The following GPC6 variants were observed in gnomAD, a reference collection of about 807,000 sequenced individuals.
GPC6 encodes the protein glypican-6.
Under a neutral mutation model 55.2 loss-of-function variants are expected in GPC6, and 14 were observed. The ratio of observed to expected loss-of-function variants is 0.25; its 90% confidence interval spans 0.17 to 0.40. The LOEUF (loss-of-function observed/expected upper bound fraction) is 0.40, where lower values mean the gene tolerates loss of function less well. GPC6 is among the 10% of genes least tolerant of loss of function. GPC6 has a pLI of 1.00. For synonymous variants in GPC6, 278 were observed against 259.6 expected (o/e 1.07, Z -0.68); for missense variants, 641 against 708.5 (o/e 0.90, Z 1.08).
At chr13:93,913,694 T>G (rs9524279) in intron 3 of GPC6, among the ~76,000 whole-genome samples, 19,644 of 152,210 alleles carry the variant, frequency 0.13, 1,654 homozygotes, top group Admixed American at 0.21. Flanking sequence ...CTTTCATCGT[T>G]TTTTTGGAAT....
At chr13:93,517,745 C>T in intron 1 of GPC6, among the ~76,000 whole-genome samples, 1 of 151,920 alleles carries the variant, frequency 6.6e-6, no homozygotes, top group Non-Finnish European at 1.5e-5. Flanking sequence ...TGTACTACAG[C>T]AAGAGCTCTT....
intron 2 of GPC6, among the ~76,000 whole-genome samples, chr13:93,781,744 T>G (rs1045061175): frequency 1.3e-5 from 2 of 152,180 alleles, no homozygotes; most frequent in Non-Finnish European, 2.9e-5. Flanking sequence ...AGAAAATATT[T>G]TATATGTACT....
chr13:93,873,401 G>A (rs1251291744), intron 3 of GPC6, among the ~76,000 whole-genome samples: 1 of 151,928 alleles, frequency 6.6e-6, no homozygotes, highest in African/African-American at 2.4e-5. Flanking sequence ...TAGAGAAGAG[G>A]TCTGTCCTGA....
chr13:94,328,764 C>T lies in GPC6; in HGVS notation c.1152+22641C>T, dbSNP rs138015740. The stretch of plus-strand genomic sequence containing the variant: ...TCATTCCAGTCTGTTGCTCCACGTC[C>T]GCTGGGGAAGTGGGCAGCCTGCTGT... On this transcript the variant is annotated intron_variant, in intron 6 of 8. Coordinates refer to ENST00000377047, the MANE Select transcript of GPC6 (RefSeq NM_005708.5). Among the ~76,000 whole-genome samples the T allele has an allele frequency of 2.8e-3, 432 of 152,324 alleles. 3 individuals are homozygous for T. Among genetic ancestry groups the T allele is most frequent in the African/African-American group, 8.9e-3 (371 of 41,574 alleles).
intron 4 of GPC6, among the ~76,000 whole-genome samples, chr13:94,050,112 G>A (rs1199178221): frequency 2.6e-5 from 4 of 152,132 alleles, no homozygotes; most frequent in African/African-American, 7.2e-5. Context: ...ACCCAGTCTC[G>A]GGTAGGTCTT....
chr13:93,359,515 T>C (rs1880972939), intron 1 of GPC6, among the ~76,000 whole-genome samples: 1 of 152,176 alleles, frequency 6.6e-6, no homozygotes, highest in Non-Finnish European at 1.5e-5. Flanking sequence ...TATGTGTTTA[T>C]AATAAATATA....
chr13:93,513,771 C>T (rs1881073624), intron 1 of GPC6, among the ~76,000 whole-genome samples: 1 of 151,578 alleles, frequency 6.6e-6, no homozygotes, highest in African/African-American at 2.4e-5. Flanking sequence ...TATAGCCCTT[C>T]ATTAAAGTCC....
intron 1 of GPC6, among the ~76,000 whole-genome samples, chr13:93,299,722 T>C (rs1203636689): frequency 6.6e-6 from 1 of 152,242 alleles, no homozygotes; most frequent in Non-Finnish European, 1.5e-5. Flanking sequence ...CCAATGCCAC[T>C]TGTAGAAAAT....
At chr13:93,704,461 C>A (rs1229606605) in intron 2 of GPC6, among the ~76,000 whole-genome samples, 1 of 151,672 alleles carries the variant, frequency 6.6e-6, no homozygotes, top group African/African-American at 2.4e-5. Context: ...TCTCAATAAC[C>A]TTCATTTTTC....
At chr13:93,699,522 G>T (rs1186557637) in intron 2 of GPC6, among the ~76,000 whole-genome samples, 1 of 152,058 alleles carries the variant, frequency 6.6e-6, no homozygotes, top group Middle Eastern at 3.2e-3. Context: ...TAGACCCATA[G>T]TCCTAAATCA....
At chr13:93,711,110 T>C (rs1465154062) in intron 2 of GPC6, among the ~76,000 whole-genome samples, 1 of 151,748 alleles carries the variant, frequency 6.6e-6, no homozygotes, top group East Asian at 1.9e-4. Context: ...AGTGATAAGC[T>C]AGAGATAAGG....
chr13:94,031,428 A>G (rs956147251), intron 4 of GPC6, among the ~76,000 whole-genome samples: 84 of 152,306 alleles, frequency 5.5e-4, no homozygotes, highest in African/African-American at 2.0e-3. Context: ...AGCACAACCC[A>G]GATTCCACTT....
chr13:93,268,147 A>G (rs967552238), intron 1 of GPC6, among the ~76,000 whole-genome samples: 3 of 152,202 alleles, frequency 2.0e-5, no homozygotes, highest in Non-Finnish European at 2.9e-5. Flanking sequence ...ATGCATTTCT[A>G]TAGGGAAAAA....
At chr13:93,702,423 A>G (rs1303383011) in intron 2 of GPC6, among the ~76,000 whole-genome samples, 1 of 151,976 alleles carries the variant, frequency 6.6e-6, no homozygotes, top group Non-Finnish European at 1.5e-5. Context: ...AGTTAGCATC[A>G]TTCTTAAGGG....
chr13:93,714,779 A>G (rs886370823), intron 2 of GPC6, among the ~76,000 whole-genome samples: 1 of 151,518 alleles, frequency 6.6e-6, no homozygotes, highest in African/African-American at 2.4e-5. Flanking sequence ...ACATGCTGGG[A>G]GGGTCTTAGG....
intron 1 of GPC6, among the ~76,000 whole-genome samples, chr13:93,263,411 C>CTAGA (rs1237523579): frequency 6.6e-6 from 1 of 152,044 alleles, no homozygotes; most frequent in East Asian, 1.9e-4. Flanking sequence ...GTCACCCAGG[C>CTAGA]TAGAGTGCAG....
At chr13:93,393,004 A>G (rs1184011007) in intron 1 of GPC6, among the ~76,000 whole-genome samples, 6 of 151,778 alleles carry the variant, frequency 4.0e-5, no homozygotes, top group Non-Finnish European at 8.8e-5. Context: ...TTTAGAACAT[A>G]CCTTTCTATG....
At chr13:93,686,726 C>T (rs1882062028) in intron 2 of GPC6, among the ~76,000 whole-genome samples, 1 of 152,106 alleles carries the variant, frequency 6.6e-6, no homozygotes, top group Admixed American at 6.5e-5. Flanking sequence ...TTTTATTCAA[C>T]TCTTGCCTTC....
At chr13:93,901,916 A>AC (rs1876378418) in intron 3 of GPC6, among the ~76,000 whole-genome samples, 1 of 151,810 alleles carries the variant, frequency 6.6e-6, no homozygotes, top group African/African-American at 2.4e-5. Context: ...AAAAAAAAAA[A>AC]AACTTTTAAA....
Sources: allele counts gnomAD v4.1 joint callset (sites outside exome capture counted in the v4.1 genomes callset), GRCh38; gene constraint gnomAD v4.1.1; transcripts MANE v1.5; gene names NCBI Gene and HGNC (gene_info 2026-07-23, HGNC 2026-07-21).